The following WWOX variants were observed in gnomAD, a reference collection of about 807,000 sequenced individuals.
The protein encoded by WWOX is WW domain-containing oxidoreductase.
Under a neutral mutation model 46.2 loss-of-function variants are expected in WWOX, and 69 were observed. That is an observed-to-expected ratio of 1.49 (90% confidence interval 1.23 to 1.82). WWOX has a LOEUF of 1.82. Among genes scored for constraint, WWOX ranks in the 40% most tolerant of loss-of-function variants. The probability of loss-of-function intolerance (pLI) is 0.00; values close to 1 mark genes in which losing one functional copy is unlikely to be tolerated. For missense variants in WWOX, 919 were observed against 542.6 expected, an observed-to-expected ratio of 1.69 and a Z score of -6.89; for synonymous variants, 359 against 202.6, an observed-to-expected ratio of 1.77 and a Z score of -6.56.
At chr16:78,776,630 C>G (rs982524476) in intron 8 of WWOX, among the ~76,000 whole-genome samples, 3 of 152,080 alleles carry the variant, frequency 2.0e-5, no homozygotes, top group Admixed American at 2.0e-4. Context: ...TGGTCTCACA[C>G]TGCTATAAAA....
intron 8 of WWOX, among the ~76,000 whole-genome samples, chr16:78,929,426 A>T (rs2045571344): frequency 6.6e-6 from 1 of 152,178 alleles, no homozygotes; most frequent in East Asian, 1.9e-4. Flanking sequence ...AATAGGAAAG[A>T]AGGATTTTGA....
At chr16:78,924,615 C>A (rs929390173) in intron 8 of WWOX, among the ~76,000 whole-genome samples, 5 of 152,132 alleles carry the variant, frequency 3.3e-5, no homozygotes, top group African/African-American at 1.2e-4. Flanking sequence ...ATATCAGAGT[C>A]CTTTTGACTG....
intron 8 of WWOX, among the ~76,000 whole-genome samples, chr16:78,743,007 A>G (rs1447185093): frequency 6.7e-6 from 1 of 149,422 alleles, no homozygotes; most frequent in Admixed American, 6.6e-5. Context: ...CTCCCCACAT[A>G]CAGTCCCAAC....
In WWOX at chr16:78,603,412, C is replaced by T. The variant is rs183804894; in HGVS notation, c.1056+170660C>T. 8.5e-5 allele frequency among the ~76,000 whole-genome samples: 13 copies of T among 152,232 alleles called. No individual in the cohort carries two copies. In the East Asian group the frequency reaches 2.3e-3, roughly 27 times the overall value. On this transcript the variant is annotated intron_variant, in intron 8 of 8. Coordinates refer to ENST00000566780, the MANE Select transcript of WWOX (RefSeq NM_016373.4). The stretch of plus-strand genomic sequence containing the variant: ...TACATGCATTTTAAAAAACTATATC[C>T]TGCTGGGTGCAGTGCCTCATGCCTG...
chr16:78,760,582 G>C (rs2049767649), intron 8 of WWOX, among the ~76,000 whole-genome samples: 1 of 152,118 alleles, frequency 6.6e-6, no homozygotes, highest in Admixed American at 6.5e-5. Context: ...ATGCACTTGG[G>C]GTTTTGTGTC....
chr16:78,734,754 C>T (rs903186726), intron 8 of WWOX, among the ~76,000 whole-genome samples: 2 of 146,602 alleles, frequency 1.4e-5, no homozygotes, highest in African/African-American at 2.5e-5. Flanking sequence ...TTCGTCTCAT[C>T]AGCTGAAGGT....
chr16:78,839,670 G>A (rs1183883354), intron 8 of WWOX, among the ~76,000 whole-genome samples: 2 of 152,142 alleles, frequency 1.3e-5, no homozygotes, highest in Non-Finnish European at 2.9e-5. Flanking sequence ...GGAGGGGGTA[G>A]AATAAGGTTA....
intron 8 of WWOX, among the ~76,000 whole-genome samples, chr16:78,993,858 G>A (rs1266601737): frequency 2.0e-5 from 3 of 152,328 alleles, no homozygotes; most frequent in African/African-American, 4.8e-5. Context: ...GGCGGAGCCC[G>A]CTGGTCGGTC....
chr16:78,783,865 G>T (rs1222320335), intron 8 of WWOX, among the ~76,000 whole-genome samples: 3 of 132,116 alleles, frequency 2.3e-5, no homozygotes, highest in Non-Finnish European at 3.2e-5. Context: ...TGACGCTGAT[G>T]ATGGTGATGA....
chr16:78,265,644 C>T (rs1161174429), intron 5 of WWOX, among the ~76,000 whole-genome samples: 5 of 150,916 alleles, frequency 3.3e-5, no homozygotes, highest in African/African-American at 1.2e-4. Context: ...TGCCGTTGCA[C>T]TCCAGCCTGG....
chr16:78,789,859 G>T (rs1433554776), intron 8 of WWOX, among the ~76,000 whole-genome samples: 1 of 152,100 alleles, frequency 6.6e-6, no homozygotes, highest in South Asian at 2.1e-4. Flanking sequence ...TGACCATATG[G>T]CAGCATGGTT....
At chr16:78,757,520 C>T (rs1384859053) in intron 8 of WWOX, among the ~76,000 whole-genome samples, 2 of 152,132 alleles carry the variant, frequency 1.3e-5, no homozygotes, top group East Asian at 1.9e-4. Context: ...CTAAATTTTA[C>T]AGGTAGTTGG....
rs1030094779 is a variant in WWOX at position 78,101,089 on chromosome 16, C to T, written c.107+1204C>T. Among the ~76,000 whole-genome samples, 3 of 151,812 alleles carry T rather than the reference C, an allele frequency of 2.0e-5. No homozygotes were observed. In the South Asian group the frequency reaches 6.2e-4, roughly 32 times the overall value. The stretch of plus-strand genomic sequence containing the variant: ...TTGAGACGGAGTCTTGCTCTGTCGC[C>T]CAGGCTGGAGTGCAGCGGCGCGATC... On this transcript the variant is annotated intron_variant, in intron 1 of 8. Coordinates refer to ENST00000566780, the MANE Select transcript of WWOX (RefSeq NM_016373.4).
intron 8 of WWOX, among the ~76,000 whole-genome samples, chr16:79,064,567 G>T (rs765841088): frequency 1.3e-5 from 2 of 152,190 alleles, no homozygotes; most frequent in African/African-American, 2.4e-5. Flanking sequence ...GGATTCTCAT[G>T]TGGCTTATCA....
chr16:78,478,167 T>C (rs948261112), intron 8 of WWOX, among the ~76,000 whole-genome samples: 1 of 152,130 alleles, frequency 6.6e-6, no homozygotes, highest in African/African-American at 2.4e-5. Context: ...TGTAATCAAT[T>C]TTGAGGTTGT....
intron 4 of WWOX, among the ~76,000 whole-genome samples, chr16:78,142,088 A>G (rs1359967978): frequency 6.6e-6 from 1 of 152,084 alleles, no homozygotes; most frequent in African/African-American, 2.4e-5. Flanking sequence ...GGTAATTATT[A>G]AAATGCTTCC....
chr16:78,778,791 C>G (rs1024945271), intron 8 of WWOX, among the ~76,000 whole-genome samples: 2 of 152,198 alleles, frequency 1.3e-5, no homozygotes, highest in African/African-American at 2.4e-5. Context: ...TGAGCCATTT[C>G]TGTCCTTTTC....
At chr16:78,434,431 T>C (rs1455797438) in intron 8 of WWOX, among the ~76,000 whole-genome samples, 7 of 152,156 alleles carry the variant, frequency 4.6e-5, no homozygotes, top group African/African-American at 7.2e-5. Context: ...CCTCATACTT[T>C]GTTGTGTCCT....
At chr16:78,557,969 A>C (rs2044347176) in intron 8 of WWOX, among the ~76,000 whole-genome samples, 1 of 152,076 alleles carries the variant, frequency 6.6e-6, no homozygotes, top group Non-Finnish European at 1.5e-5. Context: ...AGTGCAGAGC[A>C]GGAATTTCAT....
Sources: allele counts gnomAD v4.1 joint callset (sites outside exome capture counted in the v4.1 genomes callset), GRCh38; gene constraint gnomAD v4.1.1; transcripts MANE v1.5; gene names NCBI Gene and HGNC (gene_info 2026-07-23, HGNC 2026-07-21).